Variants in LRBA observed in about 807,000 individuals in gnomAD.
The protein encoded by LRBA is LPS responsive beige-like anchor protein, also known as lipopolysaccharide-responsive and beige-like anchor protein.
Under a neutral mutation model 330.0 loss-of-function variants are expected in LRBA, and 176 were observed. The observed-to-expected ratio is 0.53, with a 90% CI of 0.47 to 0.60. The LOEUF (loss-of-function observed/expected upper bound fraction) is 0.60, where lower values mean the gene tolerates loss of function less well. LRBA is among the 20% of genes least tolerant of loss of function. The pLI, the probability that LRBA is intolerant of heterozygous loss-of-function variation, is 0.00. For synonymous variants in LRBA, 1,230 were observed against 1,193.0 expected, an observed-to-expected ratio of 1.03 and a Z score of -0.64; for missense variants, 3,259 against 3,444.8, an observed-to-expected ratio of 0.95 and a Z score of 1.35.
intron 46 of LRBA, among the ~76,000 whole-genome samples, chr4:150,426,509 C>G (rs1249041742): frequency 6.6e-6 from 1 of 151,898 alleles, no homozygotes; most frequent in African/African-American, 2.4e-5. Context: ...CCCTTACTCA[C>G]CTCAATTGCC....
At chr4:150,694,347 C>T (rs1205641110) in intron 36 of LRBA, among the ~76,000 whole-genome samples, 1 of 150,534 alleles carries the variant, frequency 6.6e-6, no homozygotes, top group Non-Finnish European at 1.5e-5. Flanking sequence ...ACTTGTCTCA[C>T]TGAAAACAAT....
intron 2 of LRBA, among the ~76,000 whole-genome samples, chr4:150,984,906 C>CTT (rs1490017687): frequency 6.6e-6 from 1 of 152,204 alleles, no homozygotes. Context: ...CAGCAATTCT[C>CTT]TAACACTCAA....
chr4:150,611,597 G>A (rs1775266029), intron 37 of LRBA, among the ~76,000 whole-genome samples: 1 of 152,056 alleles, frequency 6.6e-6, no homozygotes, highest in Non-Finnish European at 1.5e-5. Flanking sequence ...AGAATAACTA[G>A]AAAATTCATA....
rs987760980 is a variant in LRBA at position 150,850,865 on chromosome 4, G to A, written c.3863C>T (p.Ala1288Val). Reference protein sequence around the residue: ...RQHEQPGQGIAPDAVNGQRRD... With the variant: ...RQHEQPGQGIVPDAVNGQRRD... ...CCTTTGTCCATTAACTGCATCTGGT[G>A]CTATTCCTTGCCCTGGCTGCTCATG... The change falls in exon 24 of 57, where the codon GCA (alanine) becomes GTA (valine). Residue 1288 changes from alanine to valine, a missense_variant. Physicochemically the swap from Ala to Val is moderately conservative, Grantham distance 64 (BLOSUM62 0). Coordinates refer to ENST00000651943, the MANE Select transcript of LRBA (RefSeq NM_001364905.1). The A allele has an allele frequency of 5.5e-5, 89 of 1,612,988 alleles. No individual in the cohort carries two copies. Among genetic ancestry groups the A allele is most frequent in the Non-Finnish European group, 7.2e-5 (85 of 1,179,670 alleles).
At chr4:150,875,789 A>C (rs1180040436) in intron 17 of LRBA, among the ~76,000 whole-genome samples, 1 of 152,242 alleles carries the variant, frequency 6.6e-6, no homozygotes, top group Non-Finnish European at 1.5e-5. Context: ...GCATCTCCAA[A>C]GAAGGAACCA....
intron 47 of LRBA, among the ~76,000 whole-genome samples, chr4:150,363,093 T>C (rs930955377): frequency 1.3e-5 from 2 of 152,190 alleles, no homozygotes; most frequent in African/African-American, 2.4e-5. Flanking sequence ...ATTGTGCCAC[T>C]GTATGCCGGC....
chr4:150,716,648 G>T (rs986577213), intron 36 of LRBA, among the ~76,000 whole-genome samples: 30 of 151,918 alleles, frequency 2.0e-4, no homozygotes, highest in Non-Finnish European at 1.2e-4. Context: ...GATCAATGAG[G>T]AGAAAAGCAG....
intron 51 of LRBA, among the ~76,000 whole-genome samples, chr4:150,313,543 A>C (rs1731332899): frequency 6.6e-6 from 1 of 152,106 alleles, no homozygotes; most frequent in South Asian, 2.1e-4. Flanking sequence ...TAGGGCAGGG[A>C]CAGCAAAACT....
intron 36 of LRBA, among the ~76,000 whole-genome samples, chr4:150,701,535 T>C (rs1039212625): frequency 1.3e-5 from 2 of 152,168 alleles, no homozygotes; most frequent in African/African-American, 4.8e-5. Context: ...AACAGGAGTT[T>C]TTCAGCTCCA....
intron 34 of LRBA, among the ~76,000 whole-genome samples, chr4:150,775,286 T>G (rs771024169): frequency 5.9e-5 from 9 of 152,158 alleles, no homozygotes; most frequent in Non-Finnish European, 8.8e-5. Flanking sequence ...TAAGTAGGTC[T>G]TACATTATAA....
intron 40 of LRBA, among the ~76,000 whole-genome samples, chr4:150,527,401 T>C (rs1197669126): frequency 6.6e-6 from 1 of 152,198 alleles, no homozygotes; most frequent in Non-Finnish European, 1.5e-5. Context: ...TCAACCAAAC[T>C]TGAGGGCAGA....
intron 44 of LRBA, among the ~76,000 whole-genome samples, chr4:150,462,602 T>C (rs1754914897): frequency 6.6e-6 from 1 of 151,766 alleles, no homozygotes; most frequent in African/African-American, 2.4e-5. Context: ...CAGTGCAACA[T>C]GGAAGAGATT....
intron 2 of LRBA, among the ~76,000 whole-genome samples, chr4:150,991,781 G>C (rs902521410): frequency 6.6e-6 from 1 of 152,096 alleles, no homozygotes; most frequent in Non-Finnish European, 1.5e-5. Context: ...AACTCAAAAG[G>C]GTGAATTTTA....
At chr4:150,726,744 C>T (rs891158656) in intron 36 of LRBA, among the ~76,000 whole-genome samples, 2 of 152,152 alleles carry the variant, frequency 1.3e-5, no homozygotes, top group Admixed American at 6.5e-5. Flanking sequence ...GATCCAATCA[C>T]TTGCCTCCCT....
intron 2 of LRBA, among the ~76,000 whole-genome samples, chr4:150,977,313 A>T (rs1740296350): frequency 6.6e-6 from 1 of 152,218 alleles, no homozygotes; most frequent in South Asian, 2.1e-4. Flanking sequence ...GGCAGTCATG[A>T]GGACCCCATT....
chr4:150,780,948 C>T (rs1385584016), intron 34 of LRBA, among the ~76,000 whole-genome samples: 1 of 152,074 alleles, frequency 6.6e-6, no homozygotes, highest in Non-Finnish European at 1.5e-5. Flanking sequence ...GGCACCAGCT[C>T]GGCTCACTGC....
intron 54 of LRBA, among the ~76,000 whole-genome samples, chr4:150,285,361 G>A (rs1023302690): frequency 5.3e-5 from 8 of 152,160 alleles, no homozygotes; most frequent in African/African-American, 1.7e-4. Context: ...CTCTAAGCTC[G>A]CTTAATATCT....
intron 50 of LRBA, among the ~76,000 whole-genome samples, chr4:150,318,633 C>G (rs1732048648): frequency 1.3e-5 from 2 of 152,128 alleles, no homozygotes; most frequent in African/African-American, 4.8e-5. Flanking sequence ...GCTTAATATT[C>G]TTAGTTGCAG....
intron 47 of LRBA, among the ~76,000 whole-genome samples, chr4:150,353,496 A>C (rs1349300936): frequency 6.6e-6 from 1 of 152,198 alleles, no homozygotes; most frequent in African/African-American, 2.4e-5. Context: ...AAACTAGGGC[A>C]ATTTTATTTT....
Sources: gnomAD v4.1 joint callset for allele counts (sites outside exome capture counted in the v4.1 genomes callset) on GRCh38, gnomAD v4.1.1 for gene constraint, MANE v1.5 for transcripts, NCBI Gene and HGNC (gene_info 2026-07-23, HGNC 2026-07-21) for gene names.